ZNF891: variants seen among roughly 807,000 people sequenced by gnomAD.
ZNF891 encodes zinc finger protein 891.
For synonymous variants in ZNF891, 199 were observed against 209.0 expected (o/e 0.95, Z 0.41); for missense variants, 589 against 632.7 (o/e 0.93, Z 0.74).
At chr12:133,126,153 A>C (rs1161147592) in intron 1 of ZNF891, among the ~76,000 whole-genome samples, 1 of 152,136 alleles carries the variant, frequency 6.6e-6, no homozygotes, top group Non-Finnish European at 1.5e-5. Context: ...GAAGTTAAAA[A>C]TTATAATTTA....
At position 133,113,134 on chromosome 12, in the gene ZNF891, A is replaced by T. The variant is rs1955695670; in HGVS notation, c.*7150T>A. The T allele has an allele frequency of 6.7e-6, 1 of 148,794 alleles. No individual in the cohort carries two copies. Among genetic ancestry groups the T allele is most frequent in the South Asian group, 2.1e-4 (1 of 4,806 alleles). The allele number at this position is 148,794 out of a possible 1,614,324, so 9.2% of individuals were successfully genotyped here. A position where few individuals can be genotyped will look rare whatever the true frequency, so the allele number is the denominator to read the frequency against. ...AAAATATAAAAAAATATATTTTTCA[A>T]TTTTTTTAATCTGGTATTTAAAAAA... On this transcript the variant is annotated 3_prime_UTR_variant, in exon 2 of 2. Coordinates refer to ENST00000537226, the MANE Select transcript of ZNF891 (RefSeq NM_001277291.2).
Position 133,120,489 on chromosome 12 carries a change from A to G in ZNF891, c.1430T>C (p.Met477Thr). 1 of 1,592,090 alleles carries G rather than the reference A, an allele frequency of 6.3e-7. No homozygotes were observed. The highest frequency in any genetic ancestry group is 8.5e-7 in the Non-Finnish European group (1 of 1,170,682). ...KVFSGVSSLR[M>T]HIRTHTGEKP... ...CTCTCCAGTGTGAGTTCTTATATGCATTCTAAGGGATGAGACCCCACTGAA... is the reference window on the plus strand; with the variant it reads ...CTCTCCAGTGTGAGTTCTTATATGCGTTCTAAGGGATGAGACCCCACTGAA... The change falls in exon 2 of 2, where the codon ATG (methionine) becomes ACG (threonine). Residue 477 changes from methionine to threonine, a missense_variant. Physicochemically the swap from Met to Thr is moderately conservative, Grantham distance 81 (BLOSUM62 -1). Coordinates refer to ENST00000537226, the MANE Select transcript of ZNF891 (RefSeq NM_001277291.2).
chr12:133,120,722 A>G lies in ZNF891; in HGVS notation c.1197T>C (p.Thr399=). The change falls in exon 2 of 2, where the codon ACT becomes ACC. Residue 399 remains threonine, a synonymous_variant. Coordinates refer to ENST00000537226, the MANE Select transcript of ZNF891 (RefSeq NM_001277291.2). Reference sequence around the variant, plus strand: ...GATTACATTCATAAGGTTTCTCTCCAGTGTGAGTTCTCATGTGAGCCTTAA... The same window carrying G: ...GATTACATTCATAAGGTTTCTCTCCGGTGTGAGTTCTCATGTGAGCCTTAA... ...TSLKAHMRTH[T]GEKPYECNQC... is the part of the protein sequence containing the mutation. 1 of 1,567,448 alleles carries G rather than the reference A, an allele frequency of 6.4e-7. No individual in the cohort carries two copies. The highest frequency in any genetic ancestry group is 8.6e-7 in the Non-Finnish European group (1 of 1,156,932).
chr12:133,105,569 T>G lies in ZNF891; in HGVS notation c.*14715A>C. 1.9e-6 allele frequency: 3 copies of G among 1,613,950 alleles called. No homozygotes were observed. The South Asian group carries it at 3.3e-5, about 18-fold the overall frequency. On this transcript the variant is annotated 3_prime_UTR_variant, in exon 2 of 2. Transcript: ENST00000537226. ...ACCAAAAAATGTCATTTATGATGAC[T>G]CATCCCAGTATTTGATCATGGAAAG...
Position 133,108,891 on chromosome 12 carries a change from A to G in ZNF891, c.*11393T>C, listed in dbSNP as rs1032734154. ...ACACTGTGGGAAAACTACCATTGTA[A>G]TAAGTGTAGCAAAATCTTCTTAGAT... is the stretch of plus-strand genomic sequence containing the variant. On this transcript the variant is annotated 3_prime_UTR_variant, in exon 2 of 2. Coordinates refer to ENST00000537226, the MANE Select transcript of ZNF891 (RefSeq NM_001277291.2). 2.6e-5 allele frequency: 4 copies of G among 152,234 alleles called. No homozygotes were observed. The highest frequency in any genetic ancestry group is 4.4e-5 in the Non-Finnish European group (3 of 68,030). 9.4% of individuals were successfully genotyped at this position (152,234 alleles called of 1,614,324 possible).
chr12:133,105,519 C>A lies in ZNF891; in HGVS notation c.*14765G>T. On this transcript the variant is annotated 3_prime_UTR_variant, in exon 2 of 2. Coordinates refer to ENST00000537226, the MANE Select transcript of ZNF891 (RefSeq NM_001277291.2). The stretch of plus-strand genomic sequence containing the variant: ...TTTTGGTATCTTTCAGTTTCAGAGT[C>A]AAGTGGTGAGATCAAAGACTTTTCA... The A allele has an allele frequency of 1.3e-6, 2 of 1,595,994 alleles. No individual in the cohort carries two copies. The highest frequency in any genetic ancestry group is 2.3e-5 in the South Asian group (2 of 87,972).
At chr12:133,126,506 G>C (rs937345051) in intron 1 of ZNF891, among the ~76,000 whole-genome samples, 2 of 146,670 alleles carry the variant, frequency 1.4e-5, no homozygotes, top group African/African-American at 5.0e-5. Flanking sequence ...ATAAACTTAA[G>C]GAACTTTTCT....
chr12:133,120,376 G>T lies in ZNF891; in HGVS notation c.1543C>A (p.Pro515Thr). 6.3e-7 allele frequency: 1 copy of T among 1,592,824 alleles called. No individual in the cohort carries two copies. Among genetic ancestry groups the T allele is most frequent in the Non-Finnish European group, 8.5e-7 (1 of 1,170,600 alleles). The change falls in exon 2 of 2, where the codon CCC (proline) becomes ACC (threonine). Residue 515 changes from proline (P) to threonine (T), a missense_variant. By Grantham distance (38) the Pro-to-Thr change is conservative. Transcript: ENST00000537226. ...TTTCCACATTGAATACATTCATAGG[G>T]TTTCTCTCCAGTGTGAATTCTCACA... The part of the protein sequence containing the change: ...RHVRIHTGEK[P>T]YECIQCGKAF...
chr12:133,120,736 T>C lies in ZNF891; in HGVS notation c.1183A>G (p.Met395Val), dbSNP rs1288586897. 2 of 1,567,570 alleles carry C rather than the reference T, an allele frequency of 1.3e-6. No homozygotes were observed. Among genetic ancestry groups the C allele is most frequent in the Admixed American group, 1.9e-5 (1 of 52,816 alleles). The change falls in exon 2 of 2, where the codon ATG becomes GTG. Residue 395 changes from methionine (M) to valine (V), a missense_variant. Met to Val is a conservative substitution (Grantham distance 21). Transcript: ENST00000537226. ...FSQKTSLKAH[M>V]RTHTGEKPYE... Reference sequence around the variant, plus strand: ...GGTTTCTCTCCAGTGTGAGTTCTCATGTGAGCCTTAAGGGATGTTTTTTGA... The same window carrying C: ...GGTTTCTCTCCAGTGTGAGTTCTCACGTGAGCCTTAAGGGATGTTTTTTGA...
rs1955617018 is a variant in ZNF891 at position 133,106,792 on chromosome 12, C to A, written c.*13492G>T. On this transcript the variant is annotated 3_prime_UTR_variant, in exon 2 of 2. Coordinates refer to ENST00000537226, the MANE Select transcript of ZNF891 (RefSeq NM_001277291.2). ...AATATGGCCCACACTTTATTCACCA[C>A]CCTGGAGAAAAAAAAACCCAGGAAT... is the stretch of plus-strand genomic sequence containing the variant. 2.9e-6 allele frequency: 2 copies of A among 691,348 alleles called. No homozygotes were observed. Among genetic ancestry groups the A allele is most frequent in the East Asian group, 3.1e-5 (1 of 32,196 alleles). 42.8% of individuals were successfully genotyped at this position (691,348 alleles called of 1,614,324 possible). A position where few individuals can be genotyped will look rare whatever the true frequency, so the allele number is the denominator to read the frequency against.
Position 133,115,712 on chromosome 12 carries a change from AG to A in ZNF891, c.*4571del. On this transcript the variant is annotated 3_prime_UTR_variant, in exon 2 of 2. Transcript: ENST00000537226. Reference sequence around the variant, plus strand: ...ATTCAAGTCAGAGAAACCAGTTAGGAGGCTATTGCAATAAAATCCAGGTGAG... The same window carrying A: ...ATTCAAGTCAGAGAAACCAGTTAGGAGCTATTGCAATAAAATCCAGGTGAG... The A allele has an allele frequency of 6.6e-6, 1 of 152,270 alleles. No individual in the cohort carries two copies. The highest frequency in any genetic ancestry group is 6.5e-5 in the Admixed American group (1 of 15,296). The allele number at this position is 152,270 out of a possible 1,614,324, so 9.4% of individuals were successfully genotyped here.
rs1157511359 is a variant in ZNF891, at chr12:133,107,654, TATAAG to T, written c.*12625_*12629del. On this transcript the variant is annotated 3_prime_UTR_variant, in exon 2 of 2. Coordinates refer to ENST00000537226, the MANE Select transcript of ZNF891 (RefSeq NM_001277291.2). Reference sequence around the variant, plus strand: ...CATTTGTTATTCAGTGTGAAACAAATATAAGATACATCACAGAAAATTACCAAGGT... The same window carrying T: ...CATTTGTTATTCAGTGTGAAACAAATATACATCACAGAAAATTACCAAGGT... 16 of 152,136 alleles carry T rather than the reference TATAAG, an allele frequency of 1.1e-4. No individual in the cohort carries two copies. Among genetic ancestry groups the T allele is most frequent in the Admixed American group, 7.8e-4 (12 of 15,302 alleles). 9.4% of individuals were successfully genotyped at this position (152,136 alleles called of 1,614,324 possible). A position where few individuals can be genotyped will look rare whatever the true frequency, so the allele number is the denominator to read the frequency against.
In ZNF891 at chr12:133,105,967, A is replaced by G. The variant is rs1955576058; in HGVS notation, c.*14317T>C. ...GTAATAAAACATTCAGTTACCTTTC[A>G]TTTCTTATTGAACACCAGAGAACGC... is the stretch of plus-strand genomic sequence containing the variant. On this transcript the variant is annotated 3_prime_UTR_variant, in exon 2 of 2. Coordinates refer to ENST00000537226, the MANE Select transcript of ZNF891 (RefSeq NM_001277291.2). 14 of 1,614,124 alleles carry G rather than the reference A, an allele frequency of 8.7e-6. No homozygotes were observed. Among genetic ancestry groups the G allele is most frequent in the Admixed American group, 1.7e-5 (1 of 60,020 alleles).
intron 1 of ZNF891, among the ~76,000 whole-genome samples, chr12:133,128,102 T>C (rs559268275): frequency 9.3e-4 from 142 of 152,324 alleles, no homozygotes; most frequent in African/African-American, 3.2e-3. Context: ...AAAGTTCTTA[T>C]TTAACATGAT....
chr12:133,125,000 G>C (rs1286375482), intron 1 of ZNF891, among the ~76,000 whole-genome samples: 1 of 151,888 alleles, frequency 6.6e-6, no homozygotes, highest in Non-Finnish European at 1.5e-5. Context: ...ATATTCAAAA[G>C]AGCACACAGC....
rs1213621244 is a variant in ZNF891, at chr12:133,117,262, CA to C, written c.*3021del. On this transcript the variant is annotated 3_prime_UTR_variant, in exon 2 of 2. Transcript: ENST00000537226. ...AACAGTAGAAATGGCATCAAGGCTA[CA>C]AAGAGGTTGGGATAAGTAGTTTTGT... 1 of 152,130 alleles carries C rather than the reference CA, an allele frequency of 6.6e-6. No homozygotes were observed. Among genetic ancestry groups the C allele is most frequent in the African/African-American group, 2.4e-5 (1 of 41,418 alleles). The allele number at this position is 152,130 out of a possible 1,614,324, so 9.4% of individuals were successfully genotyped here. A position where few individuals can be genotyped will look rare whatever the true frequency, so the allele number is the denominator to read the frequency against.
At position 133,106,767 on chromosome 12, in the gene ZNF891, A is replaced by C; in HGVS notation, c.*13517T>G. The C allele has an allele frequency of 1.0e-6, 1 of 952,760 alleles. No homozygotes were observed. The highest frequency in any genetic ancestry group is 1.5e-6 in the Non-Finnish European group (1 of 669,386). 59.0% of individuals were successfully genotyped at this position (952,760 alleles called of 1,614,324 possible). On this transcript the variant is annotated 3_prime_UTR_variant, in exon 2 of 2. Transcript: ENST00000537226. ...TATGTGAAAGTGATGACTGTGAAGT[A>C]ATATGGCCCACACTTTATTCACCAC...
At chr12:133,126,342 T>C (rs1392109981) in intron 1 of ZNF891, among the ~76,000 whole-genome samples, 1 of 151,724 alleles carries the variant, frequency 6.6e-6, no homozygotes, top group Non-Finnish European at 1.5e-5. Flanking sequence ...GGCGTGGTGG[T>C]GGGTGCCTGT....
At position 133,124,273 on chromosome 12, in the gene ZNF891, GCTTT is replaced by G. The variant is rs560082642; in HGVS notation, c.-106-2253_-106-2250del. ...TTAACAAATGATATCAAGACAAATGGCTTTCTGTTTGGAAAAAAACACACCCCTC... is the reference window on the plus strand; with the variant it reads ...TTAACAAATGATATCAAGACAAATGGCTGTTTGGAAAAAAACACACCCCTC... On this transcript the variant is annotated intron_variant, in intron 1 of 1. Transcript: ENST00000537226. 1.3e-3 allele frequency among the ~76,000 whole-genome samples: 199 copies of G among 152,170 alleles called. 1 individual carries two copies. The highest frequency in any genetic ancestry group is 2.2e-3 in the Non-Finnish European group (150 of 67,994).
Sources: gnomAD v4.1 joint callset for allele counts (sites outside exome capture counted in the v4.1 genomes callset) on GRCh38, gnomAD v4.1.1 for gene constraint, MANE v1.5 for transcripts, NCBI Gene and HGNC (gene_info 2026-07-23, HGNC 2026-07-21) for gene names.